Variants in OTOGL observed in about 807,000 individuals in gnomAD.
The protein encoded by OTOGL is otogelin-like protein.
In OTOGL, 285 loss-of-function variants were observed where a neutral mutation model predicts 318.5. That is an observed-to-expected ratio of 0.89 (90% CI 0.81 to 0.99). The LOEUF (loss-of-function observed/expected upper bound fraction) is 0.99. OTOGL is among the 50% of genes least tolerant of loss of function. The pLI, the probability that OTOGL is intolerant of heterozygous loss-of-function variation, is 0.00. For synonymous variants in OTOGL, 987 were observed against 936.5 expected (o/e 1.05, Z -0.99); for missense variants, 2,899 against 2,845.6 (o/e 1.02, Z -0.43).
intron 1 of OTOGL, among the ~76,000 whole-genome samples, chr12:80,150,303 C>T (rs908790118): frequency 2.0e-5 from 3 of 152,138 alleles, no homozygotes; most frequent in African/African-American, 7.2e-5. Context: ...TCTTTCTATG[C>T]AGCTACAACA....
chr12:80,113,586 T>G (rs186010383), intron 1 of OTOGL, among the ~76,000 whole-genome samples: 212 of 152,260 alleles, frequency 1.4e-3, no homozygotes, highest in Middle Eastern at 0.014. Flanking sequence ...TAATCCTGAG[T>G]TCTAATTTGA....
At chr12:80,143,199 T>C (rs1020427375) in intron 1 of OTOGL, among the ~76,000 whole-genome samples, 12 of 152,148 alleles carry the variant, frequency 7.9e-5, no homozygotes, top group Admixed American at 5.9e-4. Context: ...TATTTGATAA[T>C]AGGGTGCTAC....
At chr12:80,320,372 G>T in intron 33 of OTOGL, 50 bp from the exon 34 acceptor site, 1 of 1,508,918 alleles carries the variant, frequency 6.6e-7, no homozygotes, top group East Asian at 2.3e-5. Context: ...TGATGCCAAT[G>T]TTGATGATCT....
chr12:80,374,162 T>C (rs1197046114), intron 57 of OTOGL, among the ~76,000 whole-genome samples: 1 of 152,138 alleles, frequency 6.6e-6, no homozygotes, highest in Non-Finnish European at 1.5e-5. Flanking sequence ...CTTGGAGGTA[T>C]TATGAGAGAG....
intron 1 of OTOGL, among the ~76,000 whole-genome samples, chr12:80,126,483 G>C (rs1426997393): frequency 1.3e-5 from 2 of 152,160 alleles, no homozygotes; most frequent in African/African-American, 4.8e-5. Context: ...TTTGGAATAG[G>C]TGTGGTGTGG....
chr12:80,145,564 C>A (rs1483188758), intron 1 of OTOGL, among the ~76,000 whole-genome samples: 1 of 151,288 alleles, frequency 6.6e-6, no homozygotes, highest in Admixed American at 6.6e-5. Context: ...GCCATATGAA[C>A]TTTAAAGTAG....
At chr12:80,340,110 C>T (rs1592727958) in intron 43 of OTOGL, among the ~76,000 whole-genome samples, 1 of 152,146 alleles carries the variant, frequency 6.6e-6, no homozygotes, top group Non-Finnish European at 1.5e-5. Context: ...TGGTTTAGTA[C>T]AAATATATCT....
chr12:80,378,077 C>T lies in OTOGL; in HGVS notation c.*29C>T, dbSNP rs376745778. 6.8e-6 allele frequency: 10 copies of T among 1,461,322 alleles called. No individual in the cohort carries two copies. The African/African-American group carries it at 1.3e-4, about 18-fold the overall frequency. 90.5% of individuals were successfully genotyped at this position (1,461,322 alleles called of 1,614,324 possible). ...CTTGGGTTCCAAGAGCTCTATACAA[C>T]ATCATAACGTCAGATAGAATTAACT... On this transcript the variant is annotated 3_prime_UTR_variant, in exon 59 of 59. Transcript: ENST00000547103.
intron 32 of OTOGL, among the ~76,000 whole-genome samples, chr12:80,317,868 G>C (rs1473577822): frequency 6.6e-6 from 1 of 152,108 alleles, no homozygotes; most frequent in South Asian, 2.1e-4. Flanking sequence ...GCTCCACCTT[G>C]ATGTGGGGGC....
At chr12:80,317,064 A>G (rs545182473) in intron 32 of OTOGL, among the ~76,000 whole-genome samples, 103 of 152,306 alleles carry the variant, frequency 6.8e-4, no homozygotes, top group Non-Finnish European at 1.3e-3. Flanking sequence ...ATGATTCTAT[A>G]TAATATGTTT....
rs1264785106 is a variant in OTOGL, at chr12:80,366,699, C to T, written c.6331+62C>T. On this transcript the variant is annotated intron_variant, in intron 53 of 58. Transcript: ENST00000547103. ...AATATCATTAGTATCTGTTTTTTCA[C>T]TATTAATAAGTTAAAAATCTCATTT... 10 of 628,716 alleles carry T rather than the reference C, an allele frequency of 1.6e-5. No individual in the cohort carries two copies. In the African/African-American group the frequency reaches 1.7e-4, roughly 11 times the overall value. 38.9% of individuals were successfully genotyped at this position (628,716 alleles called of 1,614,324 possible).
At chr12:80,137,682 C>T (rs537321235) in intron 1 of OTOGL, among the ~76,000 whole-genome samples, 1 of 152,268 alleles carries the variant, frequency 6.6e-6, no homozygotes, top group South Asian at 2.1e-4. Context: ...CACAAATTAA[C>T]AGCAAGCTGG....
chr12:80,142,091 C>A (rs1360269777), intron 1 of OTOGL, among the ~76,000 whole-genome samples: 3 of 151,738 alleles, frequency 2.0e-5, no homozygotes, highest in Non-Finnish European at 4.4e-5. Flanking sequence ...TGAAAGAAGA[C>A]AAAGAGAGAG....
intron 11 of OTOGL, among the ~76,000 whole-genome samples, chr12:80,249,738 G>T (rs1448997435): frequency 6.6e-6 from 1 of 152,184 alleles, no homozygotes; most frequent in Non-Finnish European, 1.5e-5. Context: ...GGAAGCCTGG[G>T]CGATGGCGGG....
At chr12:80,262,474 T>C (rs991502555) in intron 19 of OTOGL, among the ~76,000 whole-genome samples, 2 of 152,142 alleles carry the variant, frequency 1.3e-5, no homozygotes, top group African/African-American at 4.8e-5. Context: ...GGATGTTCGA[T>C]GTCAGTTATT....
intron 2 of OTOGL, among the ~76,000 whole-genome samples, 170 bp from the exon 3 acceptor site, chr12:80,210,677 G>A (rs905164853): frequency 6.6e-6 from 1 of 152,074 alleles, no homozygotes; most frequent in African/African-American, 2.4e-5. Context: ...CAGTCATTCA[G>A]TGTCTCACAG....
chr12:80,120,267 G>A (rs567209347), intron 1 of OTOGL, among the ~76,000 whole-genome samples: 2 of 152,196 alleles, frequency 1.3e-5, no homozygotes, highest in East Asian at 3.9e-4. Context: ...GCAACTGCAA[G>A]ATTTACTGAC....
chr12:80,211,994 A>G lies in OTOGL; in HGVS notation c.165A>G (p.Ala55=), dbSNP rs1479992612. The G allele has an allele frequency of 6.3e-7, 1 of 1,575,376 alleles. No homozygotes were observed. Among genetic ancestry groups the G allele is most frequent in the Non-Finnish European group, 8.6e-7 (1 of 1,166,782 alleles). ...GACAGAAAAGAGCTCTTTTAGCAGC[A>G]CAGGTAGGTTATGCTTCAGGTGGAG... ...ENRQKRALLA[A]QFEATSPRYF... The change falls in exon 4 of 59, where the codon GCA becomes GCG. Residue 55 remains alanine (A), a synonymous_variant. Transcript: ENST00000547103.
At chr12:80,351,918 T>C (rs1346187267) in intron 44 of OTOGL, among the ~76,000 whole-genome samples, 1 of 152,236 alleles carries the variant, frequency 6.6e-6, no homozygotes, top group Non-Finnish European at 1.5e-5. Context: ...TAAGCAATGC[T>C]GTATACCATT....
Sources: gnomAD v4.1 joint callset for allele counts (sites outside exome capture counted in the v4.1 genomes callset) on GRCh38, gnomAD v4.1.1 for gene constraint, MANE v1.5 for transcripts, NCBI Gene and HGNC (gene_info 2026-07-23, HGNC 2026-07-21) for gene names.